Variants in RBM44 observed in about 807,000 individuals in gnomAD.
RBM44 encodes the protein RNA binding motif protein 44.
RBM44 carries 66 observed loss-of-function variants against 105.1 expected under a neutral mutation model. That is an observed-to-expected ratio of 0.63 (90% CI 0.52 to 0.77). The LOEUF is 0.77. Among genes scored for constraint, RBM44 ranks in the 30% least tolerant of loss-of-function variants. The probability of loss-of-function intolerance (pLI) is 0.00; values close to 1 mark genes in which losing one functional copy is unlikely to be tolerated. For synonymous variants in RBM44, 365 were observed against 417.6 expected, an observed-to-expected ratio of 0.87 and a Z score of 1.54; for missense variants, 1,122 against 1,207.8, an observed-to-expected ratio of 0.93 and a Z score of 1.05.
chr2:237,805,332 A>G (rs895099267), intron 1 of RBM44, among the ~76,000 whole-genome samples: 2 of 152,250 alleles, frequency 1.3e-5, no homozygotes, highest in African/African-American at 4.8e-5. Context: ...GCTGAAAGAA[A>G]TCAGACAACA....
chr2:237,823,588 C>T, intron 9 of RBM44, 34 bp downstream of exon 9: 1 of 956,028 alleles, frequency 1.0e-6, no homozygotes, highest in Non-Finnish European at 1.6e-6. Flanking sequence ...TGTATAGTTG[C>T]TGGAAAACAA....
At chr2:237,799,426 G>C (rs762953077) in intron 1 of RBM44, 6 of 152,394 alleles carry the variant, frequency 3.9e-5, no homozygotes, top group Admixed American at 2.6e-4. Context: ...GGTGGGGTAG[G>C]GGGTGGGCAG....
chr2:237,811,944 T>C (rs1559908701), intron 1 of RBM44, among the ~76,000 whole-genome samples: 1 of 152,326 alleles, frequency 6.6e-6, no homozygotes, highest in East Asian at 1.9e-4. Context: ...AACCTCCATC[T>C]GCCGGGTTCA....
At chr2:237,829,610 G>T in intron 13 of RBM44, 108 bp downstream of exon 13, 1 of 966,964 alleles carries the variant, frequency 1.0e-6, no homozygotes, top group East Asian at 2.5e-5. Flanking sequence ...GGGAATGACA[G>T]CATTAATCTG....
chr2:237,807,296 C>T (rs1263845012), intron 1 of RBM44, among the ~76,000 whole-genome samples: 1 of 152,100 alleles, frequency 6.6e-6, no homozygotes, highest in Admixed American at 6.5e-5. Flanking sequence ...TTACAGGCAC[C>T]TGCCACCACA....
intron 10 of RBM44, among the ~76,000 whole-genome samples, chr2:237,824,727 A>G (rs1450898608): frequency 1.3e-5 from 2 of 152,196 alleles, no homozygotes; most frequent in African/African-American, 2.4e-5. Flanking sequence ...GCACGGGTAC[A>G]TGGTGAATAA....
Position 237,816,987 on chromosome 2 carries a change from A to G in RBM44, c.74-6A>G. 6.8e-7 allele frequency: 1 copy of G among 1,462,234 alleles called. No homozygotes were observed. The allele number at this position is 1,462,234 out of a possible 1,614,324, so 90.6% of individuals were successfully genotyped here. A position where few individuals can be genotyped will look rare whatever the true frequency, so the allele number is the denominator to read the frequency against. On this transcript the variant is annotated splice_polypyrimidine_tract_variant and splice_region_variant and intron_variant, in intron 2 of 15. Coordinates refer to ENST00000316997, the MANE Select transcript of RBM44 (RefSeq NM_001080504.3). ...CTGTTAATGTTTTTATCCTTTTTTT[A>G]ATCAGATAAACCTTCAAATCCAAAG...
chr2:237,833,703 A>G (rs2061925848), intron 13 of RBM44, among the ~76,000 whole-genome samples: 1 of 152,084 alleles, frequency 6.6e-6, no homozygotes. Context: ...TAGTTACATC[A>G]TTTTCTGTGT....
chr2:237,820,086 T>A lies in RBM44; in HGVS notation c.1737-89T>A, dbSNP rs900139813. ...TTGATTTAAACTTGACAGGGAAATA[T>A]AAAAAATTTAAAATCTGTTTCTGGA... On this transcript the variant is annotated intron_variant, in intron 4 of 15. Transcript: ENST00000316997. 1.0e-4 allele frequency: 67 copies of A among 647,796 alleles called. 1 individual carries two copies. The African/African-American group carries it at 1.1e-3, about 11-fold the overall frequency. 40.1% of individuals were successfully genotyped at this position (647,796 alleles called of 1,614,324 possible). A position where few individuals can be genotyped will look rare whatever the true frequency, so the allele number is the denominator to read the frequency against.
chr2:237,835,415 T>C (rs2061949562), intron 15 of RBM44, among the ~76,000 whole-genome samples: 1 of 152,182 alleles, frequency 6.6e-6, no homozygotes, highest in Non-Finnish European at 1.5e-5. Context: ...GAGGAAGGCA[T>C]GTCAAAAGCC....
intron 2 of RBM44, among the ~76,000 whole-genome samples, chr2:237,814,748 G>C (rs2061696154): frequency 6.6e-6 from 1 of 152,094 alleles, no homozygotes; most frequent in Non-Finnish European, 1.5e-5. Flanking sequence ...TGTTGTTTCA[G>C]CTCAGAAGGA....
chr2:237,833,923 T>G (rs564539201), intron 13 of RBM44, 74 bp from the exon 14 acceptor site: 29 of 696,344 alleles, frequency 4.2e-5, no homozygotes, highest in African/African-American at 3.5e-4. Context: ...AATATATTAT[T>G]GTTGAATAAG....
At chr2:237,831,613 A>C (rs1390248885) in intron 13 of RBM44, among the ~76,000 whole-genome samples, 1 of 152,064 alleles carries the variant, frequency 6.6e-6, no homozygotes, top group Non-Finnish European at 1.5e-5. Flanking sequence ...AAACTTCTCA[A>C]TCAAGTAGGT....
At chr2:237,813,785 C>G (rs576965698) in intron 2 of RBM44, 103 bp downstream of exon 2, 4 of 732,330 alleles carry the variant, frequency 5.5e-6, no homozygotes, top group South Asian at 4.8e-5. Flanking sequence ...AACTCTTCCT[C>G]CCTCTAAGGT....
At chr2:237,808,328 T>C (rs1368162078) in intron 1 of RBM44, among the ~76,000 whole-genome samples, 3 of 151,964 alleles carry the variant, frequency 2.0e-5, no homozygotes, top group Non-Finnish European at 4.4e-5. Context: ...CTTGCACCTG[T>C]AGTCCTAGCT....
chr2:237,832,411 C>T (rs978249939), intron 13 of RBM44, among the ~76,000 whole-genome samples: 1 of 152,176 alleles, frequency 6.6e-6, no homozygotes, highest in African/African-American at 2.4e-5. Context: ...ACCTTGGCCT[C>T]CCAAAGTGCT....
intron 8 of RBM44, 67 bp from the exon 9 acceptor site, chr2:237,823,373 C>A: frequency 1.4e-6 from 1 of 717,152 alleles, no homozygotes; most frequent in Non-Finnish European, 2.4e-6. Context: ...TGAAGAGTAC[C>A]TGTCACATAG....
At chr2:237,821,477 T>C in intron 7 of RBM44, 109 bp downstream of exon 7, 1 of 862,516 alleles carries the variant, frequency 1.2e-6, no homozygotes, top group Non-Finnish European at 1.8e-6. Context: ...GATAAATGTT[T>C]TAATGAAGTG....
intron 13 of RBM44, among the ~76,000 whole-genome samples, chr2:237,833,771 T>C (rs1423353207): frequency 6.6e-6 from 1 of 152,142 alleles, no homozygotes; most frequent in Non-Finnish European, 1.5e-5. Flanking sequence ...TAGCCTCCTA[T>C]AGTTTATCAG....
Sources: allele counts gnomAD v4.1 joint callset (sites outside exome capture counted in the v4.1 genomes callset), GRCh38; gene constraint gnomAD v4.1.1; transcripts MANE v1.5; gene names NCBI Gene and HGNC (gene_info 2026-07-23, HGNC 2026-07-21).